The following FIBCD1 variants were observed in gnomAD, a reference collection of about 807,000 sequenced individuals.
FIBCD1 encodes fibrinogen C domain containing 1, also known as fibrinogen C domain-containing protein 1.
Under a neutral mutation model 45.1 loss-of-function variants are expected in FIBCD1, and 47 were observed. The ratio of observed to expected loss-of-function variants is 1.04; its 90% CI spans 0.82 to 1.33. The LOEUF (loss-of-function observed/expected upper bound fraction) is 1.33, where lower values mean the gene tolerates loss of function less well. Ranked by LOEUF, FIBCD1 falls within the 40% of genes most tolerant of loss-of-function variation. The pLI, the probability that FIBCD1 is intolerant of heterozygous loss-of-function variation, is 0.00. For synonymous variants in FIBCD1, 313 were observed against 308.1 expected (o/e 1.02, Z -0.17); for missense variants, 653 against 682.2 (o/e 0.96, Z 0.48).
chr9:130,931,690 G>A (rs1417660497), intron 1 of FIBCD1, among the ~76,000 whole-genome samples: 1 of 152,204 alleles, frequency 6.6e-6, no homozygotes, highest in Non-Finnish European at 1.5e-5. Context: ...TGGCCCCTGA[G>A]CATTACACAC....
rs761184049 is a variant in FIBCD1, at chr9:130,938,525, C to T, written c.72+11G>A. On this transcript the variant is annotated intron_variant, in intron 1 of 6. Transcript: ENST00000372338. ...GCCGCCCAGGCCCCGTGTCCCAGCG[C>T]CCGAGCGTACCTGCGGCTTGTCGCG... The T allele has an allele frequency of 1.3e-6, 2 of 1,487,166 alleles. 1 individual carries two copies. Among genetic ancestry groups the T allele is most frequent in the South Asian group, 2.5e-5 (2 of 79,208 alleles). 92.1% of individuals were successfully genotyped at this position (1,487,166 alleles called of 1,614,324 possible).
At chr9:130,937,811 TTCCACC>T (rs1832541653) in intron 1 of FIBCD1, among the ~76,000 whole-genome samples, 1 of 151,952 alleles carries the variant, frequency 6.6e-6, no homozygotes, top group Non-Finnish European at 1.5e-5. Context: ...CCTCACCCGC[TTCCACC>T]GCACAGCCCT....
At position 130,923,860 on chromosome 9, in the gene FIBCD1, G is replaced by C. The variant is rs1286400631; in HGVS notation, c.733C>G (p.Leu245Val). The C allele has an allele frequency of 2.5e-6, 4 of 1,612,596 alleles. No homozygotes were observed. Among genetic ancestry groups the C allele is most frequent in the African/African-American group, 2.7e-5 (2 of 74,924 alleles). ...CATGSRPRDC[L>V]DVLLSGQQDD... ...TGCTGTCCGCTTAGGAGGACGTCCA[G>C]ACAGTCTCGGGGCCGGGAGCCTGAG... is the stretch of plus-strand genomic sequence containing the variant. The change falls in exon 4 of 7, where the codon CTG (leucine) becomes GTG (valine). Residue 245 changes from leucine (L) to valine (V), a missense_variant. Transcript: ENST00000372338.
chr9:130,906,201 C>T (rs1044676087), intron 5 of FIBCD1, among the ~76,000 whole-genome samples: 5 of 152,186 alleles, frequency 3.3e-5, no homozygotes, highest in Non-Finnish European at 5.9e-5. Context: ...TGCCCATCCC[C>T]GGGGTCTCAT....
rs1459145936 is a variant in FIBCD1, at chr9:130,938,835, G to C, written c.-228C>G. 1 of 156,590 alleles carries C rather than the reference G, an allele frequency of 6.4e-6. No individual in the cohort carries two copies. Among genetic ancestry groups the C allele is most frequent in the African/African-American group, 2.4e-5 (1 of 41,442 alleles). The allele number at this position is 156,590 out of a possible 1,614,324, so 9.7% of individuals were successfully genotyped here. On this transcript the variant is annotated 5_prime_UTR_variant, in exon 1 of 7. Transcript: ENST00000372338. ...CGCGAAAGCCGCCAGCCCAACGCCCGCCGCTCGCGCTGCGCGCCGTCCCCG... is the reference window on the plus strand; with the variant it reads ...CGCGAAAGCCGCCAGCCCAACGCCCCCCGCTCGCGCTGCGCGCCGTCCCCG...
intron 1 of FIBCD1, chr9:130,930,941 G>T (rs937523685): frequency 7.2e-6 from 3 of 417,546 alleles, no homozygotes; most frequent in South Asian, 1.7e-5. Context: ...ATCACGGAAG[G>T]TCCCTTCCAA....
chr9:130,921,466 A>G (rs1832259932), intron 4 of FIBCD1, among the ~76,000 whole-genome samples: 1 of 152,212 alleles, frequency 6.6e-6, no homozygotes, highest in Non-Finnish European at 1.5e-5. Context: ...CACTTCTCAG[A>G]TGAGAATGGC....
In FIBCD1 at chr9:130,918,454, C is replaced by T. The variant is rs750087959; in HGVS notation, c.849+5290G>A. On this transcript the variant is annotated intron_variant, in intron 4 of 6. Transcript: ENST00000372338. ...AACGGCCCCCTGGAAGCAGCAACTG[C>T]GGTTTTTCCTAGACTGTGATGAAAC... Among the ~76,000 whole-genome samples, 18 of 152,314 alleles carry T rather than the reference C, an allele frequency of 1.2e-4. 1 individual carries two copies. The highest frequency in any genetic ancestry group is 2.1e-4 in the South Asian group (1 of 4,828).
At chr9:130,928,542 G>A (rs929776106) in intron 2 of FIBCD1, among the ~76,000 whole-genome samples, 1 of 152,384 alleles carries the variant, frequency 6.6e-6, no homozygotes, top group Non-Finnish European at 1.5e-5. Context: ...CACCCAGACA[G>A]GGTGATGAGG....
At chr9:130,924,132 G>A in intron 3 of FIBCD1, 105 bp downstream of exon 3, 1 of 1,403,788 alleles carries the variant, frequency 7.1e-7, no homozygotes, top group Non-Finnish European at 9.4e-7. Flanking sequence ...TGGAAGTAGG[G>A]TCGGGCCCTG....
At chr9:130,930,708 A>G (rs1832436253) in intron 1 of FIBCD1, 2 of 454,032 alleles carry the variant, frequency 4.4e-6, no homozygotes, top group Middle Eastern at 5.0e-4. Flanking sequence ...CTGCAGCCAG[A>G]CGGGACAGGG....
chr9:130,925,043 G>A (rs1457244143), intron 2 of FIBCD1, among the ~76,000 whole-genome samples: 1 of 152,192 alleles, frequency 6.6e-6, no homozygotes, highest in Non-Finnish European at 1.5e-5. Flanking sequence ...ACTTGACAGA[G>A]GGGTGCCCTG....
chr9:130,908,139 T>G (rs1363228682), intron 5 of FIBCD1, among the ~76,000 whole-genome samples: 3 of 152,160 alleles, frequency 2.0e-5, no homozygotes, highest in African/African-American at 7.2e-5. Flanking sequence ...AGTTAATACC[T>G]ATCATGTGTT....
chr9:130,905,090 T>C, intron 6 of FIBCD1, 144 bp downstream of exon 6: 1 of 757,834 alleles, frequency 1.3e-6, no homozygotes, highest in African/African-American at 1.8e-5. Context: ...AGTTTATCAA[T>C]ATTTGTTATT....
In FIBCD1 at chr9:130,924,347, C is replaced by G. The variant is rs563197613; in HGVS notation, c.602G>C (p.Ser201Thr). ...CCTCTGCAGGGCATCCAGGATGTCG[C>G]TGACGGAGTTCACCAGGTGAGCCAT... ...GHMAHLVNSV[S>T]DILDALQRDR... Residue 201 changes from serine to threonine, a missense_variant, in exon 3 of 7, where the codon AGC becomes ACC. Ser to Thr is a moderately conservative substitution (Grantham distance 58). Transcript: ENST00000372338. 6.2e-7 allele frequency: 1 copy of G among 1,609,156 alleles called. No individual in the cohort carries two copies. Among genetic ancestry groups the G allele is most frequent in the African/African-American group, 1.3e-5 (1 of 74,928 alleles).
upstream of FIBCD1, among the ~76,000 whole-genome samples, chr9:130,940,698 T>A (rs1449996395): frequency 3.9e-5 from 6 of 152,180 alleles, no homozygotes; most frequent in African/African-American, 1.4e-4. Context: ...AGGGCAAGGC[T>A]CAGATGTTCC....
chr9:130,937,071 G>A (rs1832529918), intron 1 of FIBCD1, among the ~76,000 whole-genome samples: 2 of 152,126 alleles, frequency 1.3e-5, no homozygotes, highest in African/African-American at 2.4e-5. Flanking sequence ...GGGGCCCAGG[G>A]TTGGCAAATA....
chr9:130,920,362 G>C (rs1023226220), intron 4 of FIBCD1, among the ~76,000 whole-genome samples: 2 of 152,058 alleles, frequency 1.3e-5, no homozygotes, highest in African/African-American at 4.8e-5. Context: ...CCCGCTCCCC[G>C]CTCACTCCTC....
chr9:130,903,954 G>C lies in FIBCD1; in HGVS notation c.*110C>G, dbSNP rs759187916. On this transcript the variant is annotated 3_prime_UTR_variant, in exon 7 of 7. Transcript: ENST00000372338. ...GGGATGGCCCGGCCCCTCCCTACTG[G>C]AGAGTGGGTCCGCCAGGCACAGGTG... 1 of 1,443,448 alleles carries C rather than the reference G, an allele frequency of 6.9e-7. No homozygotes were observed. The highest frequency in any genetic ancestry group is 1.4e-5 in the African/African-American group (1 of 70,852). The allele number at this position is 1,443,448 out of a possible 1,614,324, so 89.4% of individuals were successfully genotyped here. A position where few individuals can be genotyped will look rare whatever the true frequency, so the allele number is the denominator to read the frequency against.
Sources: allele counts gnomAD v4.1 joint callset (sites outside exome capture counted in the v4.1 genomes callset), GRCh38; gene constraint gnomAD v4.1.1; transcripts MANE v1.5; gene names NCBI Gene and HGNC (gene_info 2026-07-23, HGNC 2026-07-21).